Variants in SDK1 observed in about 807,000 individuals in gnomAD.
SDK1 encodes protein sidekick-1.
A neutral mutation model predicts 245.5 loss-of-function variants in SDK1; 157 were observed. That is an observed-to-expected ratio of 0.64 (90% CI 0.56 to 0.73). The LOEUF (loss-of-function observed/expected upper bound fraction) is 0.73. SDK1 is among the 30% of genes least tolerant of loss of function. SDK1 has a pLI of 0.00. For missense variants in SDK1, 3,583 were observed against 3,002.3 expected (o/e 1.19, Z -4.52); for synonymous variants, 1,647 against 1,278.5 (o/e 1.29, Z -6.15).
chr7:3,686,377 A>G (rs1027312547), intron 4 of SDK1, among the ~76,000 whole-genome samples: 2 of 152,204 alleles, frequency 1.3e-5, no homozygotes, highest in African/African-American at 4.8e-5. Context: ...TGCCTGGCCA[A>G]GGCAAACGTT....
rs1169285290 is a variant in SDK1, at chr7:3,463,687, G to A, written c.299-155393G>A. 2.6e-5 allele frequency among the ~76,000 whole-genome samples: 4 copies of A among 152,184 alleles called. No homozygotes were observed. In the East Asian group the frequency reaches 7.7e-4, roughly 29 times the overall value. ...CCCTCAGGAAAAAACGATGGAGCCA[G>A]GGCTTAGGCCTTGTGAGGAGCCTCA... On this transcript the variant is annotated intron_variant, in intron 1 of 44. Transcript: ENST00000404826.
intron 1 of SDK1, among the ~76,000 whole-genome samples, chr7:3,314,730 A>G (rs998657877): frequency 6.6e-6 from 1 of 152,238 alleles, no homozygotes; most frequent in Non-Finnish European, 1.5e-5. Context: ...ATGCTTTTAT[A>G]TAGATGAATA....
At chr7:3,882,701 G>C (rs1456806656) in intron 5 of SDK1, among the ~76,000 whole-genome samples, 2 of 152,024 alleles carry the variant, frequency 1.3e-5, no homozygotes, top group East Asian at 3.9e-4. Flanking sequence ...AGACACCGCT[G>C]TTGTCACTAT....
At chr7:3,834,600 C>T (rs1779989081) in intron 5 of SDK1, among the ~76,000 whole-genome samples, 1 of 152,162 alleles carries the variant, frequency 6.6e-6, no homozygotes, top group South Asian at 2.1e-4. Context: ...ACTGCCATAA[C>T]CACCGTCCTT....
At chr7:3,898,589 A>G (rs924089946) in intron 5 of SDK1, among the ~76,000 whole-genome samples, 4 of 152,160 alleles carry the variant, frequency 2.6e-5, no homozygotes, top group Admixed American at 1.3e-4. Flanking sequence ...TGTGTTTTAC[A>G]TCCTGTTGTC....
At chr7:3,932,180 C>G (rs1438749202) in intron 5 of SDK1, among the ~76,000 whole-genome samples, 1 of 152,182 alleles carries the variant, frequency 6.6e-6, no homozygotes, top group Non-Finnish European at 1.5e-5. Flanking sequence ...GAACAGACTA[C>G]TTATGTTTCT....
intron 5 of SDK1, among the ~76,000 whole-genome samples, chr7:3,895,112 A>T (rs1781568732): frequency 6.6e-6 from 1 of 152,224 alleles, no homozygotes; most frequent in African/African-American, 2.4e-5. Context: ...GAAGAATAGC[A>T]CAAAATATTC....
At chr7:3,795,408 C>G (rs1778937955) in intron 4 of SDK1, among the ~76,000 whole-genome samples, 2 of 152,026 alleles carry the variant, frequency 1.3e-5, no homozygotes, top group Admixed American at 6.6e-5. Context: ...CCTTATAGAT[C>G]ATTTATATTA....
intron 5 of SDK1, among the ~76,000 whole-genome samples, chr7:3,932,366 A>G (rs565343989): frequency 3.3e-5 from 5 of 152,308 alleles, no homozygotes; most frequent in Non-Finnish European, 5.9e-5. Context: ...TTGATTTTCA[A>G]CCAAAATATA....
chr7:3,447,699 C>CTT (rs56137514), intron 1 of SDK1, among the ~76,000 whole-genome samples: 32 of 89,540 alleles, frequency 3.6e-4, no homozygotes, highest in South Asian at 1.8e-3. Context: ...GCTTATATAT[C>CTT]TTTTTTTTTT....
rs547385062 is a variant in SDK1, at chr7:3,986,573, T to C, written c.1995-613T>C. Among the ~76,000 whole-genome samples the C allele has an allele frequency of 1.1e-4, 16 of 152,318 alleles. No homozygotes were observed. The South Asian group carries it at 3.3e-3, about 32-fold the overall frequency. ...CACGTTTTCTCAATTAAATAATGTA[T>C]GTGTAGGCCGGGCATGGTGGCTCAC... On this transcript the variant is annotated intron_variant, in intron 13 of 44. Transcript: ENST00000404826.
At chr7:3,466,975 T>TACACACA (rs1214240598) in intron 1 of SDK1, among the ~76,000 whole-genome samples, 1 of 115,514 alleles carries the variant, frequency 8.7e-6, no homozygotes, top group African/African-American at 3.7e-5. Flanking sequence ...CTCCTCTCTC[T>TACACACA]CTCTACACAC....
chr7:3,531,972 A>G (rs1189448346), intron 1 of SDK1, among the ~76,000 whole-genome samples: 2 of 152,254 alleles, frequency 1.3e-5, no homozygotes, highest in Non-Finnish European at 2.9e-5. Flanking sequence ...CCAGAATAAG[A>G]TGGAATTTTC....
Position 3,321,709 on chromosome 7 carries a change from C to T in SDK1, c.298+19825C>T, listed in dbSNP as rs773723551. Among the ~76,000 whole-genome samples, 465 of 53,264 alleles carry T rather than the reference C, an allele frequency of 8.7e-3. 7 individuals carry two copies. The highest frequency in any genetic ancestry group is 0.033 in the South Asian group (45 of 1,350). 34.9% of individuals were successfully genotyped at this position (53,264 alleles called of 152,430 possible). The stretch of plus-strand genomic sequence containing the variant: ...CTTCTTCCTTCTCCTCCTCCTCCTC[C>T]CCCTCCCTCTCCCCTCTCCCTCCCA... On this transcript the variant is annotated intron_variant, in intron 1 of 44. Coordinates refer to ENST00000404826, the MANE Select transcript of SDK1 (RefSeq NM_152744.4).
chr7:3,403,683 G>A (rs980447598), intron 1 of SDK1, among the ~76,000 whole-genome samples: 5 of 151,272 alleles, frequency 3.3e-5, no homozygotes, highest in African/African-American at 1.2e-4. Flanking sequence ...TGGTACAGTA[G>A]TTACTACCTA....
chr7:3,576,357 TG>T (rs1418184521), intron 1 of SDK1, among the ~76,000 whole-genome samples: 1 of 152,070 alleles, frequency 6.6e-6, no homozygotes, highest in African/African-American at 2.4e-5. Context: ...CTGAGCTAGG[TG>T]GGGCCATCTG....
intron 1 of SDK1, among the ~76,000 whole-genome samples, chr7:3,606,821 T>C (rs1420817908): frequency 6.6e-6 from 1 of 151,470 alleles, no homozygotes; most frequent in Non-Finnish European, 1.5e-5. Flanking sequence ...GTGTTTCTGT[T>C]ATTATTCTGT....
At chr7:3,723,240 C>T (rs1778874540) in intron 4 of SDK1, among the ~76,000 whole-genome samples, 1 of 152,146 alleles carries the variant, frequency 6.6e-6, no homozygotes, top group Non-Finnish European at 1.5e-5. Context: ...TAAGTTAGAC[C>T]AAGTAAGTAA....
At chr7:3,685,248 T>C (rs1051042607) in intron 4 of SDK1, among the ~76,000 whole-genome samples, 10 of 150,724 alleles carry the variant, frequency 6.6e-5, no homozygotes, top group Non-Finnish European at 1.0e-4. Flanking sequence ...GGAATACTTA[T>C]AAGGGCAGGT....
Sources: allele counts gnomAD v4.1 joint callset (sites outside exome capture counted in the v4.1 genomes callset), GRCh38; gene constraint gnomAD v4.1.1; transcripts MANE v1.5; gene names NCBI Gene and HGNC (gene_info 2026-07-23, HGNC 2026-07-21).